The following C12orf42 variants were observed in gnomAD, a reference collection of about 807,000 sequenced individuals.
C12orf42 encodes uncharacterized protein C12orf42.
Under a neutral mutation model 21.6 loss-of-function variants are expected in C12orf42, and 25 were observed. The ratio of observed to expected loss-of-function variants is 1.16; its 90% CI spans 0.84 to 1.62. C12orf42 has a LOEUF of 1.62. Ranked by LOEUF, C12orf42 falls within the 40% of genes most tolerant of loss-of-function variation. The pLI is 0.00. For missense variants in C12orf42, 483 were observed against 459.3 expected, an observed-to-expected ratio of 1.05 and a Z score of -0.47; for synonymous variants, 174 against 175.0, an observed-to-expected ratio of 0.99 and a Z score of 0.05.
intron 4 of C12orf42, among the ~76,000 whole-genome samples, chr12:103,348,325 A>G (rs1356895712): frequency 2.0e-5 from 3 of 152,212 alleles, no homozygotes; most frequent in Non-Finnish European, 4.4e-5. Flanking sequence ...GTACCGGAAA[A>G]CAAGACAAGG....
chr12:103,250,055 A>G (rs2034215843), intron 10 of C12orf42, among the ~76,000 whole-genome samples: 2 of 129,230 alleles, frequency 1.5e-5, no homozygotes, highest in Admixed American at 1.7e-4. Flanking sequence ...GAAATCAAAG[A>G]CATCTATCTA....
At chr12:103,495,317 G>A in intron 1 of C12orf42, among the ~76,000 whole-genome samples, 1 of 152,126 alleles carries the variant, frequency 6.6e-6, no homozygotes, top group African/African-American at 2.4e-5. Flanking sequence ...CTGGTGCGGA[G>A]ATCTGGGGAG....
At chr12:103,513,322 AAG>A in the C12orf42 span, among the ~76,000 whole-genome samples, 4 of 152,226 alleles carry the variant, frequency 2.6e-5, no homozygotes, top group Non-Finnish European at 1.5e-5. Flanking sequence ...ATAATATGGA[AAG>A]AGAATGGAAC....
At chr12:103,216,974 C>G in the C12orf42 span, among the ~76,000 whole-genome samples, 1 of 152,098 alleles carries the variant, frequency 6.6e-6, no homozygotes, top group Admixed American at 6.5e-5. Flanking sequence ...TCCCAAGTAG[C>G]TGGGAATACA....
chr12:103,089,950 A>G, the C12orf42 span, among the ~76,000 whole-genome samples: 9 of 152,206 alleles, frequency 5.9e-5, no homozygotes, highest in Non-Finnish European at 1.0e-4. Context: ...AAGATTTTAA[A>G]GTGAGCATGT....
At chr12:103,466,041 TATC>T (rs1452326040) in intron 2 of C12orf42, among the ~76,000 whole-genome samples, 1 of 152,226 alleles carries the variant, frequency 6.6e-6, no homozygotes, top group Non-Finnish European at 1.5e-5. Flanking sequence ...TCATCAGGAA[TATC>T]GACCTGAAGT....
chr12:103,102,615 TTAAAA>T, the C12orf42 span, among the ~76,000 whole-genome samples: 1 of 152,230 alleles, frequency 6.6e-6, no homozygotes, highest in Non-Finnish European at 1.5e-5. Flanking sequence ...GCTAAAAAGC[TTAAAA>T]TAAAACAGAA....
chr12:103,113,649 G>A, the C12orf42 span, among the ~76,000 whole-genome samples: 1 of 152,168 alleles, frequency 6.6e-6, no homozygotes, highest in East Asian at 1.9e-4. Context: ...TTAACCTCCT[G>A]ACCCCACCAA....
the C12orf42 span, among the ~76,000 whole-genome samples, chr12:103,508,633 A>C: frequency 7.2e-5 from 11 of 152,236 alleles, no homozygotes; most frequent in South Asian, 2.1e-3. Flanking sequence ...AGCACCATTT[A>C]TTTATTTATT....
the C12orf42 span, among the ~76,000 whole-genome samples, chr12:103,534,041 G>T: frequency 6.6e-6 from 1 of 152,146 alleles, no homozygotes; most frequent in African/African-American, 2.4e-5. Flanking sequence ...CCATGCTTAG[G>T]CATACAGTGA....
intron 1 of C12orf42, among the ~76,000 whole-genome samples, chr12:103,483,431 A>G (rs1282214093): frequency 6.6e-6 from 1 of 152,196 alleles, no homozygotes; most frequent in African/African-American, 2.4e-5. Context: ...ACAGTTTCCC[A>G]GAAAGGATCC....
intron 4 of C12orf42, among the ~76,000 whole-genome samples, chr12:103,347,961 T>G (rs2042779567): frequency 6.6e-6 from 1 of 152,128 alleles, no homozygotes; most frequent in Non-Finnish European, 1.5e-5. Context: ...TCAAAAAAAT[T>G]GATGTAATGG....
At chr12:103,471,884 C>T (rs1242387205) in intron 2 of C12orf42, 1 of 152,110 alleles carries the variant, frequency 6.6e-6, no homozygotes, top group Non-Finnish European at 1.5e-5. Flanking sequence ...GATTGTATAA[C>T]CTGCTGCAAA....
chr12:103,505,403 G>C, the C12orf42 span: 1 of 345,376 alleles, frequency 2.9e-6, no homozygotes. Context: ...CATAGTGTTG[G>C]GTTACATTGA....
the C12orf42 span, among the ~76,000 whole-genome samples, chr12:103,130,853 C>A: frequency 2.0e-5 from 3 of 152,268 alleles, no homozygotes; most frequent in African/African-American, 7.2e-5. Flanking sequence ...AGGCTGGCAG[C>A]TGAAGAAAAC....
At chr12:103,279,997 C>T (rs78737870) in intron 4 of C12orf42, among the ~76,000 whole-genome samples, 230 of 152,272 alleles carry the variant, frequency 1.5e-3, no homozygotes, top group African/African-American at 5.3e-3. Flanking sequence ...TGATGCCCAA[C>T]TGTTTACTGA....
chr12:103,244,827 A>G (rs987395664), intron 10 of C12orf42, among the ~76,000 whole-genome samples: 5 of 152,036 alleles, frequency 3.3e-5, no homozygotes, highest in Middle Eastern at 3.2e-3. Flanking sequence ...CCAGTGTGCC[A>G]TGGACACACC....
chr12:103,536,838 C>T, the C12orf42 span, among the ~76,000 whole-genome samples: 1 of 152,152 alleles, frequency 6.6e-6, no homozygotes, highest in African/African-American at 2.4e-5. Context: ...CGAGGCCTTC[C>T]CTTACCGCCC....
chr12:103,458,464 G>T (rs545580333), intron 2 of C12orf42, among the ~76,000 whole-genome samples: 1 of 152,062 alleles, frequency 6.6e-6, no homozygotes, highest in Non-Finnish European at 1.5e-5. Flanking sequence ...CTTACCCAGG[G>T]TGTGATGCTG....
Sources: allele counts gnomAD v4.1 joint callset (sites outside exome capture counted in the v4.1 genomes callset), GRCh38; gene constraint gnomAD v4.1.1; transcripts MANE v1.5; gene names NCBI Gene and HGNC (gene_info 2026-07-23, HGNC 2026-07-21).